TUSC3: variants seen among roughly 807,000 people sequenced by gnomAD.
TUSC3 encodes the protein dolichyl-diphosphooligosaccharide--protein glycosyltransferase subunit TUSC3.
TUSC3 carries 45 observed loss-of-function variants against 44.8 expected under a neutral mutation model. The observed-to-expected ratio is 1.00, with a 90% CI of 0.79 to 1.29. TUSC3 has a LOEUF of 1.29. Among genes scored for constraint, TUSC3 ranks in the 50% most tolerant of loss-of-function variants. The pLI, the probability that TUSC3 is intolerant of heterozygous loss-of-function variation, is 0.00. For synonymous variants in TUSC3, 212 were observed against 152.9 expected, an observed-to-expected ratio of 1.39 and a Z score of -2.85; for missense variants, 519 against 437.9, an observed-to-expected ratio of 1.19 and a Z score of -1.65.
chr8:15,655,080 C>T (rs1807093444), intron 3 of TUSC3, among the ~76,000 whole-genome samples: 1 of 152,072 alleles, frequency 6.6e-6, no homozygotes, highest in African/African-American at 2.4e-5. Flanking sequence ...ATGAGCAGGG[C>T]AGGAGAGGGT....
chr8:15,646,803 A>T (rs1379031321), intron 2 of TUSC3, among the ~76,000 whole-genome samples: 1 of 152,172 alleles, frequency 6.6e-6, no homozygotes, highest in Non-Finnish European at 1.5e-5. Flanking sequence ...TTTAAAAAAT[A>T]GCTGTAAATG....
chr8:15,673,823 A>G lies in TUSC3; in HGVS notation c.785A>G (p.His262Arg). The G allele has an allele frequency of 6.2e-7, 1 of 1,612,376 alleles. No homozygotes were observed. The highest frequency in any genetic ancestry group is 1.7e-4 in the Middle Eastern group (1 of 6,048). ...RGPPYAHKNP[H>R]NGQVSYIHGS... is the part of the protein sequence containing the mutation. ...CCTCCATATGCTCATAAGAACCCACACAATGGACAAGTGGTAAGTGTAATT... is the reference window on the plus strand; with the variant it reads ...CCTCCATATGCTCATAAGAACCCACGCAATGGACAAGTGGTAAGTGTAATT... The change falls in exon 6 of 11, where the codon CAC (histidine) becomes CGC (arginine). Residue 262 changes from histidine (H) to arginine (R), a missense_variant. By Grantham distance (29) the His-to-Arg change is conservative. Transcript: ENST00000503731.
chr8:15,819,320 T>A, the TUSC3 span, among the ~76,000 whole-genome samples: 3 of 152,210 alleles, frequency 2.0e-5, no homozygotes, highest in African/African-American at 7.2e-5. Context: ...TTTTACAGAA[T>A]TAAAATACTA....
At chr8:15,506,560 G>A (rs1270605354) in intron 2 of TUSC3, among the ~76,000 whole-genome samples, 7 of 152,160 alleles carry the variant, frequency 4.6e-5, no homozygotes, top group Non-Finnish European at 8.8e-5. Flanking sequence ...ACATGGCTGG[G>A]GAGGCCTCAC....
chr8:15,682,440 C>T (rs1378082788), intron 6 of TUSC3, among the ~76,000 whole-genome samples: 1 of 152,052 alleles, frequency 6.6e-6, no homozygotes, highest in Non-Finnish European at 1.5e-5. Flanking sequence ...CCTTTTTTAA[C>T]TGTTGTCGTT....
intron 6 of TUSC3, among the ~76,000 whole-genome samples, chr8:15,721,414 A>G (rs1405688033): frequency 6.6e-6 from 1 of 152,090 alleles, no homozygotes; most frequent in African/African-American, 2.4e-5. Context: ...ATATGAGAAT[A>G]TTAATGTTCC....
chr8:15,460,679 G>A (rs891909891), intron 1 of TUSC3, among the ~76,000 whole-genome samples: 1 of 152,028 alleles, frequency 6.6e-6, no homozygotes, highest in Admixed American at 6.6e-5. Context: ...ATTTAAGTCC[G>A]TAATCCATCT....
At chr8:15,810,455 T>A in the TUSC3 span, among the ~76,000 whole-genome samples, 1 of 151,714 alleles carries the variant, frequency 6.6e-6, no homozygotes, top group East Asian at 1.9e-4. Flanking sequence ...CTGGGCAACA[T>A]AGGGAGATGT....
chr8:15,525,673 C>G (rs1801364339), intron 2 of TUSC3, among the ~76,000 whole-genome samples: 2 of 152,152 alleles, frequency 1.3e-5, no homozygotes, highest in South Asian at 4.1e-4. Context: ...AGACAGAGCT[C>G]ATGGTGGTTG....
At chr8:15,641,415 A>T (rs1356537498) in intron 2 of TUSC3, among the ~76,000 whole-genome samples, 1 of 151,990 alleles carries the variant, frequency 6.6e-6, no homozygotes, top group East Asian at 1.9e-4. Context: ...GGAATTTCAC[A>T]GAAATCCTAT....
chr8:15,440,564 T>G (rs568236645), intron 1 of TUSC3, among the ~76,000 whole-genome samples: 4 of 152,276 alleles, frequency 2.6e-5, no homozygotes, highest in African/African-American at 9.6e-5. Flanking sequence ...TAGTTAGAAG[T>G]CTGTTAAAGA....
intron 1 of TUSC3, among the ~76,000 whole-genome samples, chr8:15,594,672 T>C (rs1182946407): frequency 1.3e-5 from 2 of 152,220 alleles, no homozygotes; most frequent in Non-Finnish European, 2.9e-5. Flanking sequence ...ATGAGATTTT[T>C]CAATTTGGCT....
intron 1 of TUSC3, among the ~76,000 whole-genome samples, chr8:15,566,316 T>A (rs1170445170): frequency 1.3e-5 from 2 of 152,188 alleles, no homozygotes; most frequent in Admixed American, 1.3e-4. Context: ...TCAGCTTTAT[T>A]AATTTTTTCC....
At chr8:15,502,001 A>G (rs569033532) in intron 2 of TUSC3, among the ~76,000 whole-genome samples, 2 of 152,294 alleles carry the variant, frequency 1.3e-5, no homozygotes, top group East Asian at 3.9e-4. Flanking sequence ...TAATATGCTC[A>G]TTATGTTTTG....
chr8:15,524,658 A>G (rs965331934), intron 2 of TUSC3, among the ~76,000 whole-genome samples: 5 of 152,216 alleles, frequency 3.3e-5, no homozygotes, highest in Admixed American at 2.6e-4. Context: ...TTTTGCAGGT[A>G]GCTAAAGATA....
chr8:15,476,542 C>G (rs776288410), intron 1 of TUSC3, among the ~76,000 whole-genome samples: 1 of 152,176 alleles, frequency 6.6e-6, no homozygotes, highest in African/African-American at 2.4e-5. Flanking sequence ...TATTCTACAT[C>G]GTGCTCAAGA....
At chr8:15,750,746 A>G in intron 9 of TUSC3, among the ~76,000 whole-genome samples, 1 of 152,138 alleles carries the variant, frequency 6.6e-6, no homozygotes, top group East Asian at 1.9e-4. Context: ...TGGCATTTGA[A>G]CAGTCTTCTT....
At chr8:15,542,966 A>G (rs1036893481) in intron 1 of TUSC3, among the ~76,000 whole-genome samples, 4 of 152,210 alleles carry the variant, frequency 2.6e-5, no homozygotes, top group South Asian at 2.1e-4. Flanking sequence ...TACTTTACTC[A>G]ATAAGCATGC....
chr8:15,614,989 G>GA (rs1291346916), intron 1 of TUSC3, among the ~76,000 whole-genome samples: 1 of 149,008 alleles, frequency 6.7e-6, no homozygotes, highest in Non-Finnish European at 1.5e-5. Context: ...GTAGTAAAGG[G>GA]AACTCTTGTA....
Sources: allele counts gnomAD v4.1 joint callset (sites outside exome capture counted in the v4.1 genomes callset), GRCh38; gene constraint gnomAD v4.1.1; transcripts MANE v1.5; gene names NCBI Gene and HGNC (gene_info 2026-07-23, HGNC 2026-07-21).